The following UGGT2 variants were observed in gnomAD, a reference collection of about 807,000 sequenced individuals.
UGGT2 encodes UDP-glucose glycoprotein glucosyltransferase 2.
Under a neutral mutation model 192.1 loss-of-function variants are expected in UGGT2, and 180 were observed. The ratio of observed to expected loss-of-function variants is 0.94; its 90% CI spans 0.83 to 1.06. The LOEUF is 1.06. Ranked by LOEUF, UGGT2 falls within the 50% of genes least tolerant of loss-of-function variation. The pLI is 0.00. For missense variants in UGGT2, 1,849 were observed against 1,795.7 expected (o/e 1.03, Z -0.54); for synonymous variants, 580 against 591.0 (o/e 0.98, Z 0.27).
intron 38 of UGGT2, among the ~76,000 whole-genome samples, chr13:95,827,447 C>T (rs1287913062): frequency 1.3e-5 from 2 of 152,044 alleles, no homozygotes; most frequent in African/African-American, 4.8e-5. Flanking sequence ...GAAAAGAAAG[C>T]CATTTACAAA....
At chr13:95,958,960 C>G (rs2050301096) in intron 12 of UGGT2, among the ~76,000 whole-genome samples, 1 of 152,212 alleles carries the variant, frequency 6.6e-6, no homozygotes, top group African/African-American at 2.4e-5. Context: ...AGGGAGCTAC[C>G]TGGAGATTGC....
chr13:95,973,679 T>C (rs769152062), intron 10 of UGGT2, among the ~76,000 whole-genome samples: 21 of 152,166 alleles, frequency 1.4e-4, no homozygotes, highest in Non-Finnish European at 2.9e-4. Flanking sequence ...TAAAGCAAAG[T>C]AGTCAAGATC....
At chr13:96,012,531 A>G (rs1214783408) in intron 5 of UGGT2, among the ~76,000 whole-genome samples, 4 of 152,076 alleles carry the variant, frequency 2.6e-5, no homozygotes, top group African/African-American at 7.2e-5. Context: ...AAAAACACCT[A>G]TAAACCAATG....
Position 96,050,979 on chromosome 13 carries a change from T to G in UGGT2, c.158+2176A>C, listed in dbSNP as rs147360941. Among the ~76,000 whole-genome samples, 1,465 of 152,346 alleles carry G rather than the reference T, an allele frequency of 9.6e-3. 24 individuals are homozygous for G. The highest frequency in any genetic ancestry group is 0.034 in the African/African-American group (1,399 of 41,566). ...CCATTTGACCCAGCCATCCCATTAC[T>G]GGGTATATACCCAAAGGATTATAAA... On this transcript the variant is annotated intron_variant, in intron 1 of 38. Coordinates refer to ENST00000376747, the MANE Select transcript of UGGT2 (RefSeq NM_020121.4).
At chr13:95,910,720 G>A (rs1450957589) in intron 20 of UGGT2, among the ~76,000 whole-genome samples, 1 of 152,084 alleles carries the variant, frequency 6.6e-6, no homozygotes, top group Non-Finnish European at 1.5e-5. Context: ...CCTGAACTCA[G>A]CTCTGCACCA....
chr13:95,856,400 GA>G (rs1206772555), intron 33 of UGGT2, 60 bp from the exon 34 acceptor site: 7 of 1,545,630 alleles, frequency 4.5e-6, no homozygotes, highest in South Asian at 1.3e-5. Context: ...TTGTTTTAGA[GA>G]AAAAAATAAC....
intron 14 of UGGT2, among the ~76,000 whole-genome samples, 194 bp downstream of exon 14, chr13:95,947,801 AC>A (rs2049927428): frequency 6.6e-6 from 1 of 152,186 alleles, no homozygotes; most frequent in South Asian, 2.1e-4. Flanking sequence ...AAGGTAATAA[AC>A]AACATTACCA....
At chr13:95,827,915 C>G (rs983597798) in intron 38 of UGGT2, among the ~76,000 whole-genome samples, 11 of 152,116 alleles carry the variant, frequency 7.2e-5, no homozygotes, top group Non-Finnish European at 1.5e-5. Flanking sequence ...TGAAGATCCC[C>G]ACAAAGTAAC....
At chr13:95,840,970 T>C (rs1358778644) in intron 36 of UGGT2, among the ~76,000 whole-genome samples, 1 of 152,148 alleles carries the variant, frequency 6.6e-6, no homozygotes, top group African/African-American at 2.4e-5. Context: ...AAATACCACA[T>C]GTTCTCACTC....
At chr13:95,961,234 G>C (rs1244060377) in intron 12 of UGGT2, among the ~76,000 whole-genome samples, 1 of 152,024 alleles carries the variant, frequency 6.6e-6, no homozygotes, top group African/African-American at 2.4e-5. Context: ...TAAAATGACA[G>C]AAATAAGTCC....
intron 13 of UGGT2, among the ~76,000 whole-genome samples, chr13:95,948,344 T>G (rs760532924): frequency 6.6e-6 from 1 of 152,148 alleles, no homozygotes; most frequent in Non-Finnish European, 1.5e-5. Context: ...CTACTCATCT[T>G]CTTTTTGGAA....
In UGGT2 at chr13:95,845,681, G is replaced by C. The variant is rs1888342662; in HGVS notation, c.4284+7862C>G. ...CATGGCCCGTTCTCAATGAGCTGTT[G>C]GGTACACCTCCCAGACAGGGTGGCG... On this transcript the variant is annotated intron_variant, in intron 36 of 38. Coordinates refer to ENST00000376747, the MANE Select transcript of UGGT2 (RefSeq NM_020121.4). Among the ~76,000 whole-genome samples the C allele has an allele frequency of 2.6e-5, 4 of 152,022 alleles. No homozygotes were observed. The South Asian group carries it at 8.3e-4, about 32-fold the overall frequency.
At chr13:95,920,859 T>A (rs1446041844) in intron 20 of UGGT2, among the ~76,000 whole-genome samples, 4 of 152,148 alleles carry the variant, frequency 2.6e-5, no homozygotes, top group Admixed American at 6.5e-5. Context: ...GGAATATAAA[T>A]CATTCTGTTA....
chr13:95,817,932 AAAATT>A (rs1381168395), intron 38 of UGGT2, among the ~76,000 whole-genome samples: 6 of 152,190 alleles, frequency 3.9e-5, no homozygotes, highest in African/African-American at 1.2e-4. Context: ...AACCAAATAA[AAAATT>A]AAATCCAAAC....
chr13:96,021,293 G>A (rs1766731106), intron 4 of UGGT2, among the ~76,000 whole-genome samples: 1 of 152,094 alleles, frequency 6.6e-6, no homozygotes, highest in Non-Finnish European at 1.5e-5. Flanking sequence ...ATAGTTTGAT[G>A]TTAATTTTTT....
chr13:95,892,546 A>G (rs992647666), intron 24 of UGGT2, among the ~76,000 whole-genome samples: 1 of 152,202 alleles, frequency 6.6e-6, no homozygotes, highest in Non-Finnish European at 1.5e-5. Flanking sequence ...ATACACAGTT[A>G]ATCAACTCTT....
intron 5 of UGGT2, among the ~76,000 whole-genome samples, chr13:96,002,881 T>C (rs1479501565): frequency 2.0e-5 from 3 of 152,202 alleles, no homozygotes; most frequent in African/African-American, 4.8e-5. Flanking sequence ...GCAAGAAATA[T>C]GAAGGAATTG....
intron 30 of UGGT2, among the ~76,000 whole-genome samples, chr13:95,864,983 A>G (rs997376259): frequency 6.6e-6 from 1 of 152,212 alleles, no homozygotes; most frequent in Non-Finnish European, 1.5e-5. Flanking sequence ...AAAATACTGA[A>G]AGCTTTGTTT....
At position 95,901,939 on chromosome 13, in the gene UGGT2, G is replaced by A. The variant is rs140373972; in HGVS notation, c.2502+915C>T. Among the ~76,000 whole-genome samples the A allele has an allele frequency of 9.7e-4, 148 of 152,106 alleles. 4 individuals carry two copies. Among genetic ancestry groups the A allele is most frequent in the Admixed American group, 6.4e-3 (97 of 15,252 alleles). ...CACTGTCTATCATCCTTCCCATGGCGTAATTTCCTTTTAACCAAGTTCTAT... is the reference window on the plus strand; with the variant it reads ...CACTGTCTATCATCCTTCCCATGGCATAATTTCCTTTTAACCAAGTTCTAT... On this transcript the variant is annotated intron_variant, in intron 21 of 38. Coordinates refer to ENST00000376747, the MANE Select transcript of UGGT2 (RefSeq NM_020121.4).
Sources: gnomAD v4.1 joint callset for allele counts (sites outside exome capture counted in the v4.1 genomes callset) on GRCh38, gnomAD v4.1.1 for gene constraint, MANE v1.5 for transcripts, NCBI Gene and HGNC (gene_info 2026-07-23, HGNC 2026-07-21) for gene names.